NR2C1: variants seen among roughly 807,000 people sequenced by gnomAD.
NR2C1 encodes TR2 nuclear hormone receptor.
Under a neutral mutation model 74.8 loss-of-function variants are expected in NR2C1, and 33 were observed. The observed-to-expected ratio is 0.44, with a 90% CI of 0.33 to 0.59. NR2C1 has a LOEUF of 0.59. Ranked by LOEUF, NR2C1 falls within the 20% of genes least tolerant of loss-of-function variation. NR2C1 has a pLI of 0.02. For missense variants in NR2C1, 568 were observed against 715.6 expected, an observed-to-expected ratio of 0.79 and a Z score of 2.35; for synonymous variants, 225 against 240.6, an observed-to-expected ratio of 0.94 and a Z score of 0.60.
intron 2 of NR2C1, among the ~76,000 whole-genome samples, chr12:95,065,828 T>C (rs1875598358): frequency 6.6e-6 from 1 of 151,584 alleles, no homozygotes; most frequent in African/African-American, 2.4e-5. Flanking sequence ...CAGGCACCTG[T>C]AATCCCAGCT....
rs536251613 is a variant in NR2C1, at chr12:95,056,308, T to G, written c.783+1245A>C. Reference sequence around the variant, plus strand: ...GTTGAGAGAAACCCTGATCATAGGCTTCCTAAAATCTGTTTTCAGATATGA... The same window carrying G: ...GTTGAGAGAAACCCTGATCATAGGCGTCCTAAAATCTGTTTTCAGATATGA... On this transcript the variant is annotated intron_variant, in intron 7 of 13. Coordinates refer to ENST00000333003, the MANE Select transcript of NR2C1 (RefSeq NM_003297.4). Among the ~76,000 whole-genome samples, 22 of 152,300 alleles carry G rather than the reference T, an allele frequency of 1.4e-4. No individual in the cohort carries two copies. The East Asian group carries it at 4.3e-3, about 29-fold the overall frequency.
At chr12:95,034,967 G>A (rs139390463) in intron 10 of NR2C1, among the ~76,000 whole-genome samples, 6 of 152,180 alleles carry the variant, frequency 3.9e-5, no homozygotes, top group African/African-American at 7.2e-5. Flanking sequence ...AAAAGTGGGC[G>A]AAAATACATA....
chr12:95,055,836 C>T (rs1873753439), intron 7 of NR2C1, among the ~76,000 whole-genome samples: 1 of 151,450 alleles, frequency 6.6e-6, no homozygotes, highest in African/African-American at 2.4e-5. Flanking sequence ...GCCTGTAATC[C>T]CAGCTACTTG....
intron 13 of NR2C1, among the ~76,000 whole-genome samples, chr12:95,023,040 GC>G (rs1248474430): frequency 2.0e-5 from 3 of 151,886 alleles, no homozygotes; most frequent in African/African-American, 7.3e-5. Context: ...GGTGCCAGTG[GC>G]TCACCTCTAG....
chr12:95,022,431 G>A (rs1275679814), intron 13 of NR2C1, 28 bp from the exon 14 acceptor site: 2 of 1,558,920 alleles, frequency 1.3e-6, no homozygotes, highest in Non-Finnish European at 1.7e-6. Context: ...AAAGGGAGAG[G>A]AACAAGGTTG....
chr12:95,050,096 C>T (rs992552206), intron 8 of NR2C1, among the ~76,000 whole-genome samples: 1 of 152,080 alleles, frequency 6.6e-6, no homozygotes, highest in Admixed American at 6.6e-5. Flanking sequence ...CTACTGCACC[C>T]GGGCAGAGAG....
At chr12:95,026,384 T>C (rs1001839050) in intron 12 of NR2C1, among the ~76,000 whole-genome samples, 1 of 152,050 alleles carries the variant, frequency 6.6e-6, no homozygotes, top group Admixed American at 6.6e-5. Context: ...TATATAAGCA[T>C]TTCAATGGTC....
chr12:95,023,999 C>CCT (rs1869055613), intron 13 of NR2C1, among the ~76,000 whole-genome samples: 1 of 152,176 alleles, frequency 6.6e-6, no homozygotes, highest in Non-Finnish European at 1.5e-5. Context: ...GGATTATCTT[C>CCT]CTGGAGCTGT....
At chr12:95,057,422 A>AT in intron 7 of NR2C1, 131 bp downstream of exon 7, 1 of 655,420 alleles carries the variant, frequency 1.5e-6, no homozygotes, top group Non-Finnish European at 2.5e-6. Flanking sequence ...TCTAATTTAT[A>AT]TTAAAAAAAA....
chr12:95,057,090 C>A, intron 7 of NR2C1, among the ~76,000 whole-genome samples: 2 of 147,158 alleles, frequency 1.4e-5, no homozygotes, highest in Admixed American at 6.8e-5. Context: ...AAATTATGAA[C>A]ATTTCTGATT....
intron 13 of NR2C1, among the ~76,000 whole-genome samples, chr12:95,024,638 C>A (rs1197864292): frequency 6.6e-6 from 1 of 152,106 alleles, no homozygotes; most frequent in Admixed American, 6.6e-5. Flanking sequence ...CACTCTGTCA[C>A]CCAGATTGGA....
chr12:95,069,891 T>C (rs1876329980), intron 1 of NR2C1, among the ~76,000 whole-genome samples: 1 of 152,114 alleles, frequency 6.6e-6, no homozygotes, highest in Non-Finnish European at 1.5e-5. Flanking sequence ...ACTACACCTT[T>C]CAGTTGATTG....
intron 12 of NR2C1, among the ~76,000 whole-genome samples, chr12:95,027,038 G>C (rs551176809): frequency 3.4e-4 from 52 of 152,126 alleles, no homozygotes; most frequent in East Asian, 7.7e-4. Flanking sequence ...CAGAAATAAA[G>C]GTCTATAACA....
rs190788578 is a variant in NR2C1 at position 95,066,248 on chromosome 12, T to C, written c.54+1083A>G. On this transcript the variant is annotated intron_variant, in intron 2 of 13. Coordinates refer to ENST00000333003, the MANE Select transcript of NR2C1 (RefSeq NM_003297.4). Reference sequence around the variant, plus strand: ...TGGGCACAGCACCTCACGCCTGTAATCCCAGCGCTTTGGAAGGCCAAGGCC... The same window carrying C: ...TGGGCACAGCACCTCACGCCTGTAACCCCAGCGCTTTGGAAGGCCAAGGCC... Among the ~76,000 whole-genome samples, 1,165 of 152,298 alleles carry C rather than the reference T, an allele frequency of 7.6e-3. 16 individuals carry two copies. Among genetic ancestry groups the C allele is most frequent in the African/African-American group, 0.027 (1,106 of 41,560 alleles).
intron 2 of NR2C1, 66 bp from the exon 3 acceptor site, chr12:95,062,804 CT>C: frequency 8.3e-7 from 1 of 1,211,072 alleles, no homozygotes; most frequent in Non-Finnish European, 1.2e-6. Context: ...CAATTATCTT[CT>C]TAGAAAAGCA....
intron 7 of NR2C1, among the ~76,000 whole-genome samples, chr12:95,055,562 A>G (rs1873703835): frequency 6.6e-6 from 1 of 152,216 alleles, no homozygotes; most frequent in African/African-American, 2.4e-5. Context: ...ATGAAATTTG[A>G]TTTCCGAGCC....
At chr12:95,053,887 G>A (rs1008559895) in intron 7 of NR2C1, among the ~76,000 whole-genome samples, 20 of 151,996 alleles carry the variant, frequency 1.3e-4, no homozygotes, top group Admixed American at 6.5e-5. Flanking sequence ...GTTTCACTGT[G>A]TTAGCCAGGA....
At chr12:95,069,404 C>G (rs958601925) in intron 1 of NR2C1, among the ~76,000 whole-genome samples, 1 of 152,200 alleles carries the variant, frequency 6.6e-6, no homozygotes, top group African/African-American at 2.4e-5. Flanking sequence ...TGTATTTTTA[C>G]TACACCTCTT....
chr12:95,053,681 GTTTTTTTTT>G (rs550069594), intron 7 of NR2C1, among the ~76,000 whole-genome samples: 1 of 103,414 alleles, frequency 9.7e-6, no homozygotes, highest in Non-Finnish European at 1.9e-5. Context: ...TCTTTTTGGT[GTTTTTTTTT>G]TTTTTTTTTT....
Sources: gnomAD v4.1 joint callset for allele counts (sites outside exome capture counted in the v4.1 genomes callset) on GRCh38, gnomAD v4.1.1 for gene constraint, MANE v1.5 for transcripts, NCBI Gene and HGNC (gene_info 2026-07-23, HGNC 2026-07-21) for gene names.